The following NYAP2 variants were observed in gnomAD, a reference collection of about 807,000 sequenced individuals.
NYAP2 encodes neuronal tyrosine-phosphorylated phosphoinositide-3-kinase adaptor 2.
NYAP2 carries 23 observed loss-of-function variants against 50.4 expected under a neutral mutation model. The ratio of observed to expected loss-of-function variants is 0.46; its 90% CI spans 0.33 to 0.65. The LOEUF is 0.65. NYAP2 is among the 30% of genes least tolerant of loss of function. The pLI is 0.02. For synonymous variants in NYAP2, 394 were observed against 365.2 expected (o/e 1.08, Z -0.90); for missense variants, 885 against 861.0 (o/e 1.03, Z -0.35).
intron 3 of NYAP2, among the ~76,000 whole-genome samples, chr2:225,501,866 A>G (rs1018107007): frequency 1.3e-5 from 2 of 152,174 alleles, no homozygotes; most frequent in South Asian, 4.1e-4. Context: ...CTCACAGACC[A>G]GTGGAGGAGA....
intron 3 of NYAP2, among the ~76,000 whole-genome samples, chr2:225,426,806 G>A (rs920595930): frequency 6.6e-6 from 1 of 152,144 alleles, no homozygotes; most frequent in Non-Finnish European, 1.5e-5. Flanking sequence ...AGGTGAGAGA[G>A]CACTGCAGTT....
intron 3 of NYAP2, among the ~76,000 whole-genome samples, chr2:225,412,976 G>T (rs1020669879): frequency 1.3e-5 from 2 of 152,064 alleles, no homozygotes; most frequent in Admixed American, 1.3e-4. Context: ...CCTCAAACCT[G>T]GTGAGGTCAA....
intron 6 of NYAP2, among the ~76,000 whole-genome samples, chr2:225,649,102 ATG>A (rs1174327112): frequency 1.3e-5 from 2 of 151,970 alleles, no homozygotes; most frequent in East Asian, 3.9e-4. Flanking sequence ...GTGCGTGTGT[ATG>A]TGTGTGTATG....
chr2:225,597,262 T>C (rs1407813658), intron 5 of NYAP2, among the ~76,000 whole-genome samples: 1 of 151,678 alleles, frequency 6.6e-6, no homozygotes, highest in Non-Finnish European at 1.5e-5. Flanking sequence ...GTATACATTG[T>C]ACCCAATTTG....
intron 5 of NYAP2, among the ~76,000 whole-genome samples, chr2:225,606,470 A>T (rs903774887): frequency 6.6e-6 from 1 of 152,138 alleles, no homozygotes; most frequent in African/African-American, 2.4e-5. Flanking sequence ...ATGAGTATTA[A>T]CTCAGTGTTG....
chr2:225,577,019 CT>C (rs11297489), intron 4 of NYAP2, among the ~76,000 whole-genome samples: 142,247 of 150,106 alleles, frequency 0.95, 67,463 homozygotes, highest in Middle Eastern at 0.98. Flanking sequence ...TTACATTACA[CT>C]TTTTTTTTTT....
At chr2:225,425,562 G>A (rs986653297) in intron 3 of NYAP2, among the ~76,000 whole-genome samples, 2 of 152,192 alleles carry the variant, frequency 1.3e-5, no homozygotes, top group Non-Finnish European at 2.9e-5. Flanking sequence ...GAAACTTAAT[G>A]TGAAGGGGAA....
intron 3 of NYAP2, among the ~76,000 whole-genome samples, chr2:225,489,117 C>T (rs1476943112): frequency 2.6e-5 from 4 of 152,188 alleles, no homozygotes; most frequent in Admixed American, 6.5e-5. Context: ...AAGTCTGCAT[C>T]GTACTTATAT....
At chr2:225,605,265 A>G (rs576120125) in intron 5 of NYAP2, among the ~76,000 whole-genome samples, 15 of 152,142 alleles carry the variant, frequency 9.9e-5, no homozygotes, top group African/African-American at 1.4e-4. Context: ...GCATATATTC[A>G]GCTACCCACA....
intron 6 of NYAP2, among the ~76,000 whole-genome samples, chr2:225,641,422 AACACACACACACACACACACAC>A (rs56041107): frequency 1.7e-4 from 23 of 133,652 alleles, no homozygotes; most frequent in Non-Finnish European, 3.1e-4. Context: ...CAATCCCTCA[AACACACACACACACACACACAC>A]ACACACACAC....
chr2:225,684,526 C>G, the NYAP2 span, among the ~76,000 whole-genome samples: 1 of 151,254 alleles, frequency 6.6e-6, no homozygotes, highest in Non-Finnish European at 1.5e-5. Context: ...TTGTTTTTTC[C>G]ACCTTGGTTC....
intron 3 of NYAP2, among the ~76,000 whole-genome samples, chr2:225,476,135 G>A (rs1690100415): frequency 6.6e-6 from 1 of 152,082 alleles, no homozygotes; most frequent in Non-Finnish European, 1.5e-5. Context: ...TTTTACTGAC[G>A]GGGTGTGGTG....
At chr2:225,552,355 A>G (rs1307886998) in intron 4 of NYAP2, among the ~76,000 whole-genome samples, 1 of 152,224 alleles carries the variant, frequency 6.6e-6, no homozygotes, top group Non-Finnish European at 1.5e-5. Context: ...CACAGAGGTA[A>G]CTCAGGAATA....
At chr2:225,401,400 C>A (rs1164926229) in intron 2 of NYAP2, among the ~76,000 whole-genome samples, 1 of 152,026 alleles carries the variant, frequency 6.6e-6, no homozygotes, top group Non-Finnish European at 1.5e-5. Flanking sequence ...CTATTCCATA[C>A]CATAAATATT....
the NYAP2 span, among the ~76,000 whole-genome samples, chr2:225,683,160 T>C: frequency 1.3e-5 from 2 of 152,162 alleles, no homozygotes; most frequent in Non-Finnish European, 2.9e-5. Flanking sequence ...GGAAGAGGCG[T>C]AGGGACAAGC....
chr2:225,403,209 A>G (rs1325924614), intron 2 of NYAP2, among the ~76,000 whole-genome samples: 3 of 152,030 alleles, frequency 2.0e-5, no homozygotes, highest in Non-Finnish European at 4.4e-5. Flanking sequence ...TGATTGGAGT[A>G]GGAAGGAAAC....
intron 4 of NYAP2, among the ~76,000 whole-genome samples, chr2:225,527,925 G>A (rs1424011747): frequency 2.6e-5 from 4 of 152,282 alleles, no homozygotes; most frequent in East Asian, 3.9e-4. Flanking sequence ...GGGATTACAG[G>A]TGTGAGCCAC....
At chr2:225,513,564 C>A in exon 4 of NYAP2, 1 of 1,607,678 alleles carries the variant, frequency 6.2e-7, no homozygotes, top group South Asian at 1.1e-5. Flanking sequence ...ACGGAGACAA[C>A]CACCACCCAA....
the NYAP2 span, among the ~76,000 whole-genome samples, chr2:225,685,081 A>T: frequency 0.076 from 11,547 of 152,246 alleles, 506 homozygotes; most frequent in East Asian, 0.24. Context: ...AACATATTTT[A>T]CAGGTACTTC....
Sources: allele counts gnomAD v4.1 joint callset (sites outside exome capture counted in the v4.1 genomes callset), GRCh38; gene constraint gnomAD v4.1.1; transcripts MANE v1.5; gene names NCBI Gene and HGNC (gene_info 2026-07-23, HGNC 2026-07-21).